Variants in DCC observed in about 807,000 individuals in gnomAD.
DCC encodes netrin receptor DCC.
Under a neutral mutation model 172.5 loss-of-function variants are expected in DCC, and 58 were observed. The observed-to-expected ratio is 0.34, with a 90% CI of 0.27 to 0.42. DCC has a LOEUF of 0.42. Among genes scored for constraint, DCC ranks in the 10% least tolerant of loss-of-function variants. The pLI is 1.00. For missense variants in DCC, 1,740 were observed against 1,791.0 expected (o/e 0.97, Z 0.51); for synonymous variants, 709 against 644.5 (o/e 1.10, Z -1.52).
intron 1 of DCC, among the ~76,000 whole-genome samples, chr18:52,353,809 G>T (rs1394713137): frequency 6.6e-6 from 1 of 152,172 alleles, no homozygotes; most frequent in Non-Finnish European, 1.5e-5. Context: ...CTCCTGGGGA[G>T]AGAAGTTTCT....
chr18:53,263,401 C>G (rs2056629002), intron 12 of DCC, among the ~76,000 whole-genome samples: 1 of 152,192 alleles, frequency 6.6e-6, no homozygotes, highest in African/African-American at 2.4e-5. Flanking sequence ...ATCCTCCTGC[C>G]TCAGCCTCCC....
rs571964545 is a variant in DCC at position 52,837,018 on chromosome 18, G to A, written c.413-69026G>A. Among the ~76,000 whole-genome samples the A allele has an allele frequency of 6.9e-4, 105 of 152,326 alleles. 1 individual carries two copies. In the South Asian group the frequency reaches 0.022, roughly 32 times the overall value. On this transcript the variant is annotated intron_variant, in intron 2 of 28. Transcript: ENST00000442544. ...CCCACTGGCTCAACAACACATGGAA[G>A]CTGCCAAGGCTTGGGGCTTGCATAT... is the stretch of plus-strand genomic sequence containing the variant.
At chr18:52,457,541 T>G (rs1200543404) in intron 1 of DCC, among the ~76,000 whole-genome samples, 4 of 152,208 alleles carry the variant, frequency 2.6e-5, no homozygotes, top group Non-Finnish European at 5.9e-5. Flanking sequence ...AATTCTGACC[T>G]GCTATATGGG....
chr18:53,153,340 A>G (rs2054674145), intron 7 of DCC, among the ~76,000 whole-genome samples: 1 of 152,136 alleles, frequency 6.6e-6, no homozygotes, highest in African/African-American at 2.4e-5. Context: ...CTGATGAAGG[A>G]GGGATTTGTT....
At chr18:52,382,243 T>G (rs1239140179) in intron 1 of DCC, among the ~76,000 whole-genome samples, 1 of 152,126 alleles carries the variant, frequency 6.6e-6, no homozygotes, top group African/African-American at 2.4e-5. Context: ...ATCACAATAA[T>G]TTACGTGCTA....
chr18:52,745,341 G>A (rs537631518), intron 1 of DCC, among the ~76,000 whole-genome samples: 16 of 152,232 alleles, frequency 1.1e-4, no homozygotes, highest in African/African-American at 3.4e-4. Flanking sequence ...CTCCAATCCA[G>A]GCCACCAGAT....
At chr18:52,849,758 C>T (rs1367643795) in intron 2 of DCC, among the ~76,000 whole-genome samples, 5 of 152,056 alleles carry the variant, frequency 3.3e-5, no homozygotes, top group Non-Finnish European at 5.9e-5. Context: ...TCATAACAGA[C>T]AAAGGAGCCA....
At chr18:53,090,698 C>CAACAAAAAAAAAAAAAAA (rs2042990907) in intron 7 of DCC, among the ~76,000 whole-genome samples, 1 of 39,358 alleles carries the variant, frequency 2.5e-5, no homozygotes, top group Non-Finnish European at 5.5e-5. Context: ...CGTCCCCCAA[C>CAACAAAAAAAAAAAAAAA]AAAAAAAAAA....
At chr18:52,868,748 A>T (rs960497149) in intron 2 of DCC, among the ~76,000 whole-genome samples, 3 of 152,160 alleles carry the variant, frequency 2.0e-5, no homozygotes, top group African/African-American at 7.2e-5. Context: ...CTCAGCTCAC[A>T]CTACTGGCCT....
chr18:53,093,907 C>T (rs1305650820), intron 7 of DCC, among the ~76,000 whole-genome samples: 1 of 152,162 alleles, frequency 6.6e-6, no homozygotes, highest in Non-Finnish European at 1.5e-5. Context: ...AAAGAGTCTG[C>T]TTAACTCCTG....
intron 1 of DCC, among the ~76,000 whole-genome samples, chr18:52,458,752 T>C (rs1223289057): frequency 6.6e-6 from 1 of 152,224 alleles, no homozygotes; most frequent in African/African-American, 2.4e-5. Flanking sequence ...TAATCTTTGC[T>C]GTAACAGGCA....
chr18:52,353,843 C>T (rs1341379858), intron 1 of DCC, among the ~76,000 whole-genome samples: 2 of 152,166 alleles, frequency 1.3e-5, no homozygotes, highest in African/African-American at 2.4e-5. Flanking sequence ...ACTGTAGGCC[C>T]TTCTCTGGCC....
At chr18:52,599,026 C>T (rs138209314) in intron 1 of DCC, among the ~76,000 whole-genome samples, 2 of 152,316 alleles carry the variant, frequency 1.3e-5, no homozygotes, top group East Asian at 3.9e-4. Flanking sequence ...AAGGCTACAT[C>T]TCTCAACACT....
At chr18:52,772,733 T>G (rs1020333763) in intron 2 of DCC, among the ~76,000 whole-genome samples, 2 of 152,202 alleles carry the variant, frequency 1.3e-5, no homozygotes, top group Non-Finnish European at 2.9e-5. Flanking sequence ...TGTTTTGTCT[T>G]TCTTTATTTC....
intron 1 of DCC, among the ~76,000 whole-genome samples, chr18:52,520,452 G>A (rs182916260): frequency 4.6e-5 from 7 of 152,270 alleles, no homozygotes; most frequent in Non-Finnish European, 8.8e-5. Context: ...AATTTTGGCT[G>A]TGTGGAAACC....
chr18:52,736,644 T>G (rs1258187408), intron 1 of DCC, among the ~76,000 whole-genome samples: 1 of 152,186 alleles, frequency 6.6e-6, no homozygotes, highest in Non-Finnish European at 1.5e-5. Context: ...TGTACAGTAA[T>G]TATAGTTTTT....
intron 25 of DCC, among the ~76,000 whole-genome samples, chr18:53,483,509 A>G (rs2045862806): frequency 6.6e-6 from 1 of 151,906 alleles, no homozygotes; most frequent in South Asian, 2.1e-4. Context: ...CTTAAAAAAT[A>G]TGTGAGGAAG....
intron 7 of DCC, among the ~76,000 whole-genome samples, chr18:53,119,221 G>C (rs2043449026): frequency 6.6e-6 from 1 of 151,748 alleles, no homozygotes; most frequent in African/African-American, 2.4e-5. Flanking sequence ...TTTCATTGGC[G>C]TACATTCTTT....
intron 15 of DCC, among the ~76,000 whole-genome samples, chr18:53,358,479 A>G (rs2057904031): frequency 6.6e-6 from 1 of 150,390 alleles, no homozygotes; most frequent in South Asian, 2.1e-4. Context: ...ATAAGAAACC[A>G]TATTTAGGAA....
Sources: allele counts gnomAD v4.1 joint callset (sites outside exome capture counted in the v4.1 genomes callset), GRCh38; gene constraint gnomAD v4.1.1; transcripts MANE v1.5; gene names NCBI Gene and HGNC (gene_info 2026-07-23, HGNC 2026-07-21).